The following BRINP3 variants were observed in gnomAD, a reference collection of about 807,000 sequenced individuals.
BRINP3 encodes BMP/retinoic acid-inducible neural-specific protein 3.
A neutral mutation model predicts 71.0 loss-of-function variants in BRINP3; 19 were observed. That is an observed-to-expected ratio of 0.27 (90% confidence interval 0.19 to 0.39). BRINP3 has a LOEUF of 0.39. Ranked by LOEUF, BRINP3 falls within the 10% of genes least tolerant of loss-of-function variation. The pLI, the probability that BRINP3 is intolerant of heterozygous loss-of-function variation, is 1.00. For missense variants in BRINP3, 959 were observed against 940.8 expected (o/e 1.02, Z -0.25); for synonymous variants, 380 against 337.7 (o/e 1.13, Z -1.37).
At chr1:190,352,419 A>C (rs1668448044) in intron 2 of BRINP3, among the ~76,000 whole-genome samples, 1 of 151,986 alleles carries the variant, frequency 6.6e-6, no homozygotes, top group Non-Finnish European at 1.5e-5. Context: ...AATATTCTGC[A>C]ATGAGAAAGA....
chr1:190,346,289 G>C (rs1246675085), intron 2 of BRINP3, among the ~76,000 whole-genome samples: 2 of 152,006 alleles, frequency 1.3e-5, no homozygotes, highest in Non-Finnish European at 2.9e-5. Flanking sequence ...ATTTATATGT[G>C]AAATATAACT....
intron 1 of BRINP3, among the ~76,000 whole-genome samples, chr1:190,456,376 G>A (rs540517634): frequency 5.3e-5 from 8 of 152,224 alleles, no homozygotes; most frequent in African/African-American, 1.7e-4. Context: ...AAAGCGTACC[G>A]TCTTTTGTAA....
intron 7 of BRINP3, among the ~76,000 whole-genome samples, chr1:190,133,481 A>G (rs1487575402): frequency 6.6e-6 from 1 of 152,010 alleles, no homozygotes; most frequent in Admixed American, 6.6e-5. Context: ...ATAGAGTGGG[A>G]GGTGTTATAG....
At chr1:190,408,200 TTTA>T (rs1182137390) in intron 2 of BRINP3, among the ~76,000 whole-genome samples, 134 of 47,348 alleles carry the variant, frequency 2.8e-3, no homozygotes, top group East Asian at 0.014. Context: ...TATTTATTTA[TTTA>T]TTTTTTTTTT....
chr1:190,138,951 T>C (rs987372327), intron 7 of BRINP3, among the ~76,000 whole-genome samples: 8 of 152,048 alleles, frequency 5.3e-5, no homozygotes, highest in African/African-American at 1.9e-4. Context: ...ATAGTGGGGC[T>C]TAGAAAATCC....
chr1:190,232,558 GA>G (rs1658095425), intron 5 of BRINP3, among the ~76,000 whole-genome samples: 1 of 151,594 alleles, frequency 6.6e-6, no homozygotes, highest in East Asian at 1.9e-4. Context: ...ATGGAAAACA[GA>G]AAAAAAGTGA....
At chr1:190,404,475 G>A (rs1558255880) in intron 2 of BRINP3, among the ~76,000 whole-genome samples, 1 of 152,038 alleles carries the variant, frequency 6.6e-6, no homozygotes, top group Non-Finnish European at 1.5e-5. Flanking sequence ...GTTATTTATT[G>A]TTTACTTTGC....
rs188602059 is a variant in BRINP3 at position 190,246,109 on chromosome 1, A to G, written c.619-11632T>C. The stretch of plus-strand genomic sequence containing the variant: ...AGCAGCATGTTTTATCCTTGGGTAT[A>G]TACCCAGTAATGGGATTTTTAAAGT... On this transcript the variant is annotated intron_variant, in intron 4 of 7. Transcript: ENST00000367462. 1.6e-4 allele frequency among the ~76,000 whole-genome samples: 25 copies of G among 152,040 alleles called. No individual in the cohort carries two copies. The East Asian group carries it at 4.9e-3, about 30-fold the overall frequency.
At chr1:190,270,366 A>G (rs1251166038) in intron 3 of BRINP3, among the ~76,000 whole-genome samples, 1 of 151,390 alleles carries the variant, frequency 6.6e-6, no homozygotes, top group Non-Finnish European at 1.5e-5. Flanking sequence ...AAATTATATC[A>G]AATTTTAAAA....
intron 2 of BRINP3, among the ~76,000 whole-genome samples, chr1:190,353,084 A>G (rs1475852656): frequency 6.6e-6 from 1 of 151,906 alleles, no homozygotes; most frequent in African/African-American, 2.4e-5. Context: ...AAGCATTTTA[A>G]CAAAAATGAT....
At chr1:190,376,787 ATG>A (rs1435818466) in intron 2 of BRINP3, among the ~76,000 whole-genome samples, 2 of 152,050 alleles carry the variant, frequency 1.3e-5, no homozygotes, top group African/African-American at 4.8e-5. Flanking sequence ...TAATTGATAT[ATG>A]TGTGTTGCTA....
chr1:190,231,294 A>G (rs1182627510), intron 5 of BRINP3, among the ~76,000 whole-genome samples: 4 of 151,796 alleles, frequency 2.6e-5, no homozygotes, highest in Non-Finnish European at 5.9e-5. Context: ...GAACAAAAAC[A>G]GTTTTTTGAA....
Position 190,226,260 on chromosome 1 carries a change from G to A in BRINP3, c.783C>T (p.Ser261=). The A allele has an allele frequency of 1.2e-6, 2 of 1,611,722 alleles. No individual in the cohort carries two copies. The highest frequency in any genetic ancestry group is 1.7e-6 in the Non-Finnish European group (2 of 1,178,760). ...LQERFVQAAL[S]YIACNSEGEF... is the part of the protein sequence containing the mutation. ...CTCCCTCTGAATTGCAAGCAATGTA[G>A]CTCAAAGCTGCTTGTACAAAACGTT... Residue 261 remains serine (S), a synonymous_variant, in exon 6 of 8, where the codon AGC becomes AGT. Coordinates refer to ENST00000367462, the MANE Select transcript of BRINP3 (RefSeq NM_199051.3).
chr1:190,289,812 C>A (rs1478217581), intron 2 of BRINP3, among the ~76,000 whole-genome samples: 2 of 151,994 alleles, frequency 1.3e-5, no homozygotes, highest in African/African-American at 4.8e-5. Flanking sequence ...CCATACCTGT[C>A]TCCAATTAAT....
chr1:190,148,716 T>C (rs1656129815), intron 7 of BRINP3, among the ~76,000 whole-genome samples: 2 of 152,034 alleles, frequency 1.3e-5, no homozygotes, highest in South Asian at 2.1e-4. Context: ...AAACTAATGC[T>C]CTTCTTTTAA....
At chr1:190,122,549 C>T (rs1242860644) in intron 7 of BRINP3, among the ~76,000 whole-genome samples, 1 of 131,388 alleles carries the variant, frequency 7.6e-6, no homozygotes, top group Non-Finnish European at 1.5e-5. Context: ...GAAAGGCTTT[C>T]TCCCTAGAAC....
intron 7 of BRINP3, among the ~76,000 whole-genome samples, chr1:190,157,088 C>A (rs1656935627): frequency 6.6e-6 from 1 of 151,702 alleles, no homozygotes; most frequent in Non-Finnish European, 1.5e-5. Context: ...CCCTCAGTAT[C>A]CCAAGAGGAT....
chr1:190,119,001 T>A (rs894937721), intron 7 of BRINP3, among the ~76,000 whole-genome samples: 4 of 152,144 alleles, frequency 2.6e-5, no homozygotes, highest in African/African-American at 9.6e-5. Flanking sequence ...GTTATGTTCC[T>A]ACATTAATAA....
chr1:190,272,828 T>C (rs994238152), intron 3 of BRINP3, among the ~76,000 whole-genome samples: 1 of 151,520 alleles, frequency 6.6e-6, no homozygotes, highest in Non-Finnish European at 1.5e-5. Flanking sequence ...GATATGCATG[T>C]AAGGCAACTT....
Sources: gnomAD v4.1 joint callset for allele counts (sites outside exome capture counted in the v4.1 genomes callset) on GRCh38, gnomAD v4.1.1 for gene constraint, MANE v1.5 for transcripts, NCBI Gene and HGNC (gene_info 2026-07-23, HGNC 2026-07-21) for gene names.